Variants in SRGAP1 observed in about 807,000 individuals in gnomAD.
SRGAP1 encodes SLIT-ROBO Rho GTPase activating protein 1.
Under a neutral mutation model 121.9 loss-of-function variants are expected in SRGAP1, and 43 were observed. The observed-to-expected ratio is 0.35, with a 90% CI of 0.28 to 0.46. The LOEUF (loss-of-function observed/expected upper bound fraction) is 0.46. Ranked by LOEUF, SRGAP1 falls within the 20% of genes least tolerant of loss-of-function variation. The pLI is 1.00. For missense variants in SRGAP1, 1,102 were observed against 1,350.9 expected (o/e 0.82, Z 2.89); for synonymous variants, 447 against 485.4 (o/e 0.92, Z 1.04).
In SRGAP1 at chr12:64,145,119, C is replaced by A. The variant is rs2037030429; in HGVS notation, c.*2447C>A. ...GTGCTGGGATTACAGATGTGAGCCA[C>A]CATGCCCGGCCATTCCACCACTTCT... is the stretch of plus-strand genomic sequence containing the variant. On this transcript the variant is annotated 3_prime_UTR_variant, in exon 22 of 22. Transcript: ENST00000355086. The A allele has an allele frequency of 6.6e-6, 1 of 152,104 alleles. No homozygotes were observed. The highest frequency in any genetic ancestry group is 1.5e-5 in the Non-Finnish European group (1 of 68,076). The allele number at this position is 152,104 out of a possible 1,614,324, so 9.4% of individuals were successfully genotyped here.
intron 1 of SRGAP1, among the ~76,000 whole-genome samples, chr12:63,954,688 A>AAAAAAAAAAAAAAAAAAAAAG (rs57230527): frequency 3.1e-5 from 4 of 130,220 alleles, no homozygotes; most frequent in Non-Finnish European, 4.8e-5. Flanking sequence ...AAAAAAAAAA[A>AAAAAAAAAAAAAAAAAAAAAG]AAAAGAAAAG....
Position 63,924,975 on chromosome 12 carries a change from A to G in SRGAP1, c.68-58972A>G, listed in dbSNP as rs535002147. ...ATCGCAACTTAAGCCAAGCCATGCCATCTGGTTGGAGGCTATTTATGGCTC... is the reference window on the plus strand; with the variant it reads ...ATCGCAACTTAAGCCAAGCCATGCCGTCTGGTTGGAGGCTATTTATGGCTC... On this transcript the variant is annotated intron_variant, in intron 1 of 21. Transcript: ENST00000355086. Among the ~76,000 whole-genome samples the G allele has an allele frequency of 2.1e-4, 32 of 152,296 alleles. No homozygotes were observed. In the East Asian group the frequency reaches 4.6e-3, roughly 22 times the overall value.
At chr12:64,095,561 C>G (rs751229054) in intron 14 of SRGAP1, among the ~76,000 whole-genome samples, 1 of 152,120 alleles carries the variant, frequency 6.6e-6, no homozygotes, top group Non-Finnish European at 1.5e-5. Flanking sequence ...CCAGCTCCTC[C>G]CTTTGTCGGG....
rs2037168786 is a variant in SRGAP1, at chr12:64,156,992, G to A, written c.*14320G>A. 1 of 152,052 alleles carries A rather than the reference G, an allele frequency of 6.6e-6. No individual in the cohort carries two copies. Among genetic ancestry groups the A allele is most frequent in the East Asian group, 1.9e-4 (1 of 5,186 alleles). The allele number at this position is 152,052 out of a possible 1,614,324, so 9.4% of individuals were successfully genotyped here. Reference sequence around the variant, plus strand: ...CATGCTTTGGGACCAGAAAGCGGATGGTTTGATATGGTAGCTGCACTTCTA... The same window carrying A: ...CATGCTTTGGGACCAGAAAGCGGATAGTTTGATATGGTAGCTGCACTTCTA... On this transcript the variant is annotated 3_prime_UTR_variant, in exon 22 of 22. Coordinates refer to ENST00000355086, the MANE Select transcript of SRGAP1 (RefSeq NM_020762.4).
At chr12:64,054,769 G>A (rs541330718) in intron 6 of SRGAP1, among the ~76,000 whole-genome samples, 32 of 151,558 alleles carry the variant, frequency 2.1e-4, no homozygotes, top group Admixed American at 1.8e-3. Flanking sequence ...TAAGTTTTAG[G>A]GTACATGTGC....
At chr12:63,885,698 A>G (rs1225642389) in intron 1 of SRGAP1, among the ~76,000 whole-genome samples, 2 of 152,186 alleles carry the variant, frequency 1.3e-5, no homozygotes, top group Non-Finnish European at 2.9e-5. Flanking sequence ...TGCCTGGGCA[A>G]GTAGAAGAAA....
intron 1 of SRGAP1, among the ~76,000 whole-genome samples, chr12:63,912,068 A>G (rs1412895870): frequency 2.6e-5 from 4 of 152,098 alleles, no homozygotes; most frequent in African/African-American, 9.7e-5. Context: ...GGCACTGGGG[A>G]AGAAGAGAAG....
chr12:64,122,290 C>T (rs1381259373), intron 18 of SRGAP1, among the ~76,000 whole-genome samples: 1 of 152,182 alleles, frequency 6.6e-6, no homozygotes, highest in Non-Finnish European at 1.5e-5. Context: ...TAGCAGCATT[C>T]TATGAAGTCT....
intron 14 of SRGAP1, among the ~76,000 whole-genome samples, chr12:64,096,003 T>G (rs1338760325): frequency 6.6e-6 from 1 of 152,166 alleles, no homozygotes; most frequent in Non-Finnish European, 1.5e-5. Context: ...AGTCGCTCAA[T>G]TCCTATTTGG....
rs1433356485 is a variant in SRGAP1 at position 63,903,111 on chromosome 12, ATTAT to A, written c.67+58231_67+58234del. Among the ~76,000 whole-genome samples the A allele has an allele frequency of 6.6e-5, 10 of 152,200 alleles. No homozygotes were observed. In the East Asian group the frequency reaches 9.7e-4, roughly 15 times the overall value. Reference sequence around the variant, plus strand: ...GTGTGTATGTGTGTTTGTGTGAACTATTATTTGGGAAAATTTTAAGCACGCTTTC... The same window carrying A: ...GTGTGTATGTGTGTTTGTGTGAACTATTGGGAAAATTTTAAGCACGCTTTC... On this transcript the variant is annotated intron_variant, in intron 1 of 21. Coordinates refer to ENST00000355086, the MANE Select transcript of SRGAP1 (RefSeq NM_020762.4).
chr12:63,928,151 T>G (rs1458136951), intron 1 of SRGAP1, among the ~76,000 whole-genome samples: 1 of 152,194 alleles, frequency 6.6e-6, no homozygotes, highest in Non-Finnish European at 1.5e-5. Flanking sequence ...ATACTTCACC[T>G]CCTTCTAGAT....
intron 6 of SRGAP1, among the ~76,000 whole-genome samples, chr12:64,052,676 TTAATC>T (rs1421813743): frequency 1.3e-5 from 2 of 152,230 alleles, no homozygotes; most frequent in African/African-American, 4.8e-5. Flanking sequence ...TTAAATATGT[TTAATC>T]TAAAGCTCAC....
intron 1 of SRGAP1, among the ~76,000 whole-genome samples, chr12:63,922,365 C>A (rs1185904515): frequency 6.6e-6 from 1 of 152,130 alleles, no homozygotes; most frequent in Non-Finnish European, 1.5e-5. Flanking sequence ...CAACTGATGT[C>A]CATATGTAAA....
chr12:63,992,162 G>A (rs1339489626), intron 3 of SRGAP1, among the ~76,000 whole-genome samples: 3 of 152,220 alleles, frequency 2.0e-5, no homozygotes, highest in Non-Finnish European at 4.4e-5. Flanking sequence ...GGGATGTGAA[G>A]CTAGAAAGGA....
intron 1 of SRGAP1, among the ~76,000 whole-genome samples, chr12:63,881,074 T>G (rs920778872): frequency 6.6e-6 from 1 of 152,150 alleles, no homozygotes; most frequent in African/African-American, 2.4e-5. Flanking sequence ...ACATGCACAG[T>G]ATATTTTGCG....
intron 1 of SRGAP1, among the ~76,000 whole-genome samples, chr12:63,942,214 C>A (rs1339261939): frequency 6.6e-6 from 1 of 152,128 alleles, no homozygotes; most frequent in Non-Finnish European, 1.5e-5. Context: ...TCAACATGGT[C>A]ATTTATACTC....
intron 2 of SRGAP1, among the ~76,000 whole-genome samples, chr12:63,984,359 T>A (rs1259445948): frequency 2.6e-5 from 4 of 152,186 alleles, no homozygotes; most frequent in African/African-American, 9.7e-5. Flanking sequence ...CCAATACATA[T>A]ATATTTATGG....
intron 1 of SRGAP1, among the ~76,000 whole-genome samples, chr12:63,980,591 T>C (rs970098151): frequency 2.0e-5 from 3 of 151,532 alleles, no homozygotes; most frequent in Non-Finnish European, 2.9e-5. Context: ...CCTAACGAGA[T>C]GTTTCTTTTT....
chr12:64,122,810 A>C (rs1295549905), intron 18 of SRGAP1, among the ~76,000 whole-genome samples: 1 of 152,198 alleles, frequency 6.6e-6, no homozygotes, highest in Non-Finnish European at 1.5e-5. Flanking sequence ...AGGCATGAGA[A>C]TCGCTTGAAC....
Sources: allele counts gnomAD v4.1 joint callset (sites outside exome capture counted in the v4.1 genomes callset), GRCh38; gene constraint gnomAD v4.1.1; transcripts MANE v1.5; gene names NCBI Gene and HGNC (gene_info 2026-07-23, HGNC 2026-07-21).